Variants in LILRB3 observed in about 807,000 individuals in gnomAD.
LILRB3 encodes leukocyte immunoglobulin like receptor B3.
In LILRB3, 32 loss-of-function variants were observed where a neutral mutation model predicts 68.2. That is an observed-to-expected ratio of 0.47 (90% CI 0.35 to 0.63). The LOEUF (loss-of-function observed/expected upper bound fraction) is 0.63, where lower values mean the gene tolerates loss of function less well. Ranked by LOEUF, LILRB3 falls within the 30% of genes least tolerant of loss-of-function variation. The pLI is 0.00. For synonymous variants in LILRB3, 185 were observed against 323.1 expected, an observed-to-expected ratio of 0.57 and a Z score of 4.58; for missense variants, 502 against 791.3, an observed-to-expected ratio of 0.63 and a Z score of 4.39.
At chr19:54,217,914 C>T (rs573422846) in intron 11 of LILRB3, among the ~76,000 whole-genome samples, 14 of 151,860 alleles carry the variant, frequency 9.2e-5, no homozygotes, top group Middle Eastern at 3.4e-3. Context: ...CTCCTGGACA[C>T]GATGCATTTA....
chr19:54,216,910 A>G (rs576389315), exon 13 of LILRB3: 3 of 1,442,444 alleles, frequency 2.1e-6, no homozygotes, highest in Admixed American at 5.7e-5. Flanking sequence ...TTTATTTCCA[A>G]AATGGGACGA....
At chr19:54,218,486 C>T in intron 10 of LILRB3, 73 bp from the exon 11 acceptor site, 1 of 1,607,138 alleles carries the variant, frequency 6.2e-7, no homozygotes, top group Non-Finnish European at 8.5e-7. Flanking sequence ...CCCTGCCCTG[C>T]TCCCAGATGG....
chr19:54,217,176 G>A (rs549674159), exon 13 of LILRB3: 11 of 1,613,546 alleles, frequency 6.8e-6, no homozygotes, highest in African/African-American at 2.7e-5. Context: ...GTTGCCTTCC[G>A]TCTAAGGGTC....
rs767042082 is a variant in LILRB3 at position 54,220,793 on chromosome 19, C to T, written c.993G>A (p.Pro331=). 1.4e-5 allele frequency: 21 copies of T among 1,508,086 alleles called. 1 individual carries two copies. Among genetic ancestry groups the T allele is most frequent in the South Asian group, 2.4e-5 (2 of 84,646 alleles). 93.4% of individuals were successfully genotyped at this position (1,508,086 alleles called of 1,614,324 possible). ...TCTCTCCTGAGGCCACTGTGGGGCC[C>T]GGCTGTGCTGACAGGGAGACGGTGT... Residue 331 remains proline, a synonymous_variant, in exon 6 of 13, where the codon CCG becomes CCA. Coordinates refer to ENST00000445347, the Ensembl canonical transcript of LILRB3.
exon 10 of LILRB3, chr19:54,218,682 C>T (rs2077739395): frequency 3.1e-6 from 5 of 1,614,148 alleles, no homozygotes; most frequent in South Asian, 2.2e-5. Context: ...CTGGGCTGGA[C>T]CTGGAGGAGG....
chr19:54,219,572 C>A (rs920435272), intron 7 of LILRB3: 1 of 1,548,504 alleles, frequency 6.5e-7, no homozygotes, highest in Non-Finnish European at 8.7e-7. Context: ...CCCTGCTCCC[C>A]TCCCCTGCCC....
Position 54,218,625 on chromosome 19 carries a change from G to A in LILRB3, c.1540+20C>T. 1 of 1,614,128 alleles carries A rather than the reference G, an allele frequency of 6.2e-7. No homozygotes were observed. The highest frequency in any genetic ancestry group is 8.5e-7 in the Non-Finnish European group (1 of 1,180,030). ...TCCTGTCTCTCCAGCACCCCCATTT[G>A]TCCCCTCTCTTCCTCTTACAGAGGT... On this transcript the variant is annotated intron_variant, in intron 10 of 12. Transcript: ENST00000445347.
exon 3 of LILRB3, chr19:54,222,510 C>G (rs2147395778): frequency 6.2e-7 from 1 of 1,610,448 alleles, no homozygotes; most frequent in East Asian, 2.2e-5. Flanking sequence ...CGGGGCTCCC[C>G]CAGCTGATCA....
At chr19:54,222,990 G>C in exon 1 of LILRB3, 1 of 1,612,352 alleles carries the variant, frequency 6.2e-7, no homozygotes, top group Non-Finnish European at 8.5e-7. Flanking sequence ...GTCTCCTCCC[G>C]GTGACCCCGC....
At position 54,221,845 on chromosome 19, in the gene LILRB3, AG is replaced by A; in HGVS notation, c.640del (p.Leu214TrpfsTer15). On this transcript the variant is annotated frameshift_variant, in exon 4 of 13. Coordinates refer to ENST00000445347, the Ensembl canonical transcript of LILRB3. LOFTEE classifies it high-confidence loss of function. ...TCCCTCACCTGAGGGCAGAATCTCC[AG>A]GGGGTCACTGGGGTGGGACCACACC... 3 of 1,568,402 alleles carry A rather than the reference AG, an allele frequency of 1.9e-6. No homozygotes were observed. The highest frequency in any genetic ancestry group is 2.4e-5 in the East Asian group (1 of 42,498).
intron 8 of LILRB3, 108 bp downstream of exon 8, chr19:54,219,021 C>A: frequency 6.5e-7 from 1 of 1,527,250 alleles, no homozygotes. Context: ...ATTACGTGCC[C>A]CTGGAACCGG....
intron 8 of LILRB3, 51 bp downstream of exon 8, chr19:54,219,078 G>T (rs1300673917): frequency 6.5e-7 from 1 of 1,548,468 alleles, no homozygotes; most frequent in African/African-American, 1.4e-5. Flanking sequence ...TCTGGCTGGT[G>T]CCCTGAGCCC....
Position 54,219,096 on chromosome 19 carries a change from G to GTCGACCCATGGGTCCCCCGC in LILRB3, c.1426+13_1426+32dup, listed in dbSNP as rs759285237. 124 of 1,557,868 alleles carry GTCGACCCATGGGTCCCCCGC rather than the reference G, an allele frequency of 8.0e-5. 2 individuals carry two copies. The East Asian group carries it at 2.8e-3, about 35-fold the overall frequency. ...GGCTGGTGCCCTGAGCCCACCCTCG[G>GTCGACCCATGGGTCCCCCGC]TCGACCCATGGGTCCCCCGCTTCCC... is the stretch of plus-strand genomic sequence containing the variant. On this transcript the variant is annotated intron_variant, in intron 8 of 12. Coordinates refer to ENST00000445347, the Ensembl canonical transcript of LILRB3.
exon 10 of LILRB3, chr19:54,218,668 G>T (rs753129598): frequency 6.2e-7 from 1 of 1,614,214 alleles, no homozygotes; most frequent in East Asian, 2.2e-5. Context: ...CTGGACGTCA[G>T]CAGCTGGGCT....
exon 9 of LILRB3, chr19:54,218,807 T>A (rs759667381): frequency 6.2e-7 from 1 of 1,614,106 alleles, no homozygotes; most frequent in Non-Finnish European, 8.5e-7. Flanking sequence ...CCGCAGCCCC[T>A]GCAGGACGCT....
At position 54,219,744 on chromosome 19, in the gene LILRB3, C is replaced by T. The variant is rs1600859961; in HGVS notation, c.1309+411G>A. 37 of 1,479,300 alleles carry T rather than the reference C, an allele frequency of 2.5e-5. No individual in the cohort carries two copies. The East Asian group carries it at 8.8e-4, about 35-fold the overall frequency. 91.6% of individuals were successfully genotyped at this position (1,479,300 alleles called of 1,614,324 possible). Reference sequence around the variant, plus strand: ...CCTCTCTCCTTTACACTTGGAGAAACTGAGGCCCAGGCAGGGGAGGGGCCT... The same window carrying T: ...CCTCTCTCCTTTACACTTGGAGAAATTGAGGCCCAGGCAGGGGAGGGGCCT... On this transcript the variant is annotated intron_variant, in intron 7 of 12. Transcript: ENST00000445347.
At chr19:54,219,859 C>T (rs1213498059) in intron 7 of LILRB3, 3 of 1,549,014 alleles carry the variant, frequency 1.9e-6, no homozygotes, top group Admixed American at 3.9e-5. Flanking sequence ...ACTCAGAGCC[C>T]CTCACTCACC....
At position 54,218,282 on chromosome 19, in the gene LILRB3, G is replaced by A. The variant is rs530746325; in HGVS notation, c.1593+79C>T. ...ACCGTGACGATGCTGAGAGCCGGGG[G>A]AAGGAGGACAGAGAAGTCCTGCAGG... On this transcript the variant is annotated intron_variant, in intron 11 of 12. Coordinates refer to ENST00000445347, the Ensembl canonical transcript of LILRB3. The A allele has an allele frequency of 2.6e-4, 412 of 1,573,808 alleles. 1 individual carries two copies. In the African/African-American group the frequency reaches 4.8e-3, roughly 18 times the overall value.
intron 7 of LILRB3, 132 bp from the exon 8 acceptor site, chr19:54,219,377 C>A: frequency 6.9e-7 from 1 of 1,452,244 alleles, no homozygotes; most frequent in South Asian, 1.2e-5. Context: ...AATTGCCACC[C>A]GTACAACCCA....
Sources: gnomAD v4.1 joint callset for allele counts (sites outside exome capture counted in the v4.1 genomes callset) on GRCh38, gnomAD v4.1.1 for gene constraint, MANE v1.5 for transcripts, NCBI Gene and HGNC (gene_info 2026-07-23, HGNC 2026-07-21) for gene names.